MGAT4C: variants seen among roughly 807,000 people sequenced by gnomAD.
MGAT4C encodes alpha-1,3-mannosyl-glycoprotein 4-beta-N-acetylglucosaminyltransferase C.
MGAT4C carries 19 observed loss-of-function variants against 40.1 expected under a neutral mutation model. The ratio of observed to expected loss-of-function variants is 0.47; its 90% CI spans 0.33 to 0.70. The LOEUF (loss-of-function observed/expected upper bound fraction) is 0.70. MGAT4C is among the 30% of genes least tolerant of loss of function. The probability of loss-of-function intolerance (pLI) is 0.02; values close to 1 mark genes in which losing one functional copy is unlikely to be tolerated. For missense variants in MGAT4C, 491 were observed against 563.2 expected (o/e 0.87, Z 1.30); for synonymous variants, 181 against 187.1 (o/e 0.97, Z 0.27).
intron 2 of MGAT4C, among the ~76,000 whole-genome samples, chr12:86,546,554 A>G (rs1484296605): frequency 2.0e-5 from 3 of 152,210 alleles, no homozygotes; most frequent in South Asian, 4.1e-4. Context: ...ATAGGCATCA[A>G]GTAAAACTAA....
At chr12:86,634,461 C>T (rs1310996992) in intron 2 of MGAT4C, among the ~76,000 whole-genome samples, 2 of 152,082 alleles carry the variant, frequency 1.3e-5, no homozygotes, top group African/African-American at 4.8e-5. Context: ...ATTATAGTTC[C>T]TGTAAGTCAA....
intron 1 of MGAT4C, among the ~76,000 whole-genome samples, chr12:86,814,265 TAC>T (rs1448853225): frequency 1.1e-4 from 13 of 115,630 alleles, no homozygotes; most frequent in African/African-American, 4.2e-4. Context: ...CACATATATA[TAC>T]ATATACGTAT....
At chr12:86,182,119 C>T (rs1398443882) in intron 1 of MGAT4C, among the ~76,000 whole-genome samples, 1 of 152,050 alleles carries the variant, frequency 6.6e-6, no homozygotes, top group Admixed American at 6.6e-5. Flanking sequence ...AATTTGTCTT[C>T]CCCATCCTCT....
chr12:86,485,669 T>C (rs949871949), intron 2 of MGAT4C, among the ~76,000 whole-genome samples: 32 of 152,160 alleles, frequency 2.1e-4, no homozygotes, highest in African/African-American at 6.5e-4. Context: ...ATACAATCCA[T>C]GAAAATGCCC....
intron 2 of MGAT4C, among the ~76,000 whole-genome samples, chr12:86,038,350 C>A (rs1204790510): frequency 6.7e-6 from 1 of 149,370 alleles, no homozygotes; most frequent in African/African-American, 2.4e-5. Flanking sequence ...CAGCTTTTTT[C>A]CCAACATTTA....
At chr12:86,751,676 T>C (rs1355322304) in intron 1 of MGAT4C, among the ~76,000 whole-genome samples, 1 of 152,064 alleles carries the variant, frequency 6.6e-6, no homozygotes, top group Non-Finnish European at 1.5e-5. Flanking sequence ...AAATTACAGA[T>C]GGTGGTTTCT....
intron 1 of MGAT4C, among the ~76,000 whole-genome samples, chr12:86,132,515 T>G (rs1410898063): frequency 6.6e-6 from 1 of 152,100 alleles, no homozygotes; most frequent in Non-Finnish European, 1.5e-5. Context: ...AACTGACGGC[T>G]GGGCGCGGTG....
chr12:86,496,099 T>C (rs1354893694), intron 2 of MGAT4C, among the ~76,000 whole-genome samples: 1 of 152,050 alleles, frequency 6.6e-6, no homozygotes, highest in Non-Finnish European at 1.5e-5. Context: ...ACTGTCTCGG[T>C]GATTGTCTTT....
At chr12:86,632,763 G>T (rs1435292444) in intron 2 of MGAT4C, among the ~76,000 whole-genome samples, 1 of 151,306 alleles carries the variant, frequency 6.6e-6, no homozygotes, top group Non-Finnish European at 1.5e-5. Context: ...GTTGTGGGGT[G>T]GGGGGATGGG....
intron 1 of MGAT4C, among the ~76,000 whole-genome samples, chr12:86,755,969 A>G (rs1861057130): frequency 1.3e-5 from 2 of 152,018 alleles, no homozygotes; most frequent in South Asian, 4.1e-4. Flanking sequence ...TTTCATGATT[A>G]TTTTAAGATA....
chr12:86,699,974 G>C (rs1362515052), intron 2 of MGAT4C, among the ~76,000 whole-genome samples: 3 of 151,534 alleles, frequency 2.0e-5, no homozygotes, highest in Non-Finnish European at 4.4e-5. Flanking sequence ...TTGAAAAAAG[G>C]ATGTGTATAA....
chr12:86,207,116 T>C (rs1157856519), intron 1 of MGAT4C, among the ~76,000 whole-genome samples: 1 of 152,014 alleles, frequency 6.6e-6, no homozygotes, highest in Non-Finnish European at 1.5e-5. Context: ...TTTTTCTTTT[T>C]TTTTTTTTAG....
chr12:86,272,571 C>T (rs1370106559), intron 4 of MGAT4C, among the ~76,000 whole-genome samples: 1 of 152,064 alleles, frequency 6.6e-6, no homozygotes, highest in African/African-American at 2.4e-5. Flanking sequence ...AAATAAATCT[C>T]TTCCAGGTGC....
intron 1 of MGAT4C, among the ~76,000 whole-genome samples, chr12:86,222,452 A>G (rs937556171): frequency 1.3e-5 from 2 of 152,210 alleles, no homozygotes; most frequent in Non-Finnish European, 2.9e-5. Context: ...TGAACGAAAT[A>G]AGAAAAAAGT....
chr12:86,462,803 A>G (rs1957621734), intron 2 of MGAT4C, among the ~76,000 whole-genome samples: 3 of 152,144 alleles, frequency 2.0e-5, no homozygotes, highest in Admixed American at 2.0e-4. Context: ...AAGACTCAGC[A>G]TGTATGCGCT....
intron 2 of MGAT4C, among the ~76,000 whole-genome samples, chr12:86,004,837 A>G (rs1169532186): frequency 6.6e-6 from 1 of 152,186 alleles, no homozygotes; most frequent in African/African-American, 2.4e-5. Context: ...TTCAGTTGCC[A>G]TGGGTTCTGG....
At chr12:86,541,449 T>C (rs1273972163) in intron 2 of MGAT4C, among the ~76,000 whole-genome samples, 1 of 152,126 alleles carries the variant, frequency 6.6e-6, no homozygotes, top group Non-Finnish European at 1.5e-5. Flanking sequence ...AAGTTCAAAA[T>C]GATTTCACCC....
At chr12:86,394,805 G>A (rs1956226865) in intron 3 of MGAT4C, among the ~76,000 whole-genome samples, 2 of 151,014 alleles carry the variant, frequency 1.3e-5, no homozygotes, top group Admixed American at 6.6e-5. Context: ...TAGTAGAGAT[G>A]GACTCTCACC....
intron 1 of MGAT4C, among the ~76,000 whole-genome samples, chr12:86,813,748 T>C (rs1432107798): frequency 6.6e-6 from 1 of 152,110 alleles, no homozygotes. Context: ...TGAAATTACA[T>C]TTACTTTACA....
Sources: allele counts gnomAD v4.1 joint callset (sites outside exome capture counted in the v4.1 genomes callset), GRCh38; gene constraint gnomAD v4.1.1; transcripts MANE v1.5; gene names NCBI Gene and HGNC (gene_info 2026-07-23, HGNC 2026-07-21).